Variants in LIFR observed in about 807,000 individuals in gnomAD.
LIFR encodes LIF receptor subunit alpha.
A neutral mutation model predicts 122.2 loss-of-function variants in LIFR; 84 were observed. The observed-to-expected ratio is 0.69, with a 90% CI of 0.58 to 0.82. The LOEUF (loss-of-function observed/expected upper bound fraction) is 0.82. LIFR is among the 40% of genes least tolerant of loss of function. The probability of loss-of-function intolerance (pLI) is 0.00; values close to 1 mark genes in which losing one functional copy is unlikely to be tolerated. For missense variants in LIFR, 1,294 were observed against 1,311.6 expected, an observed-to-expected ratio of 0.99 and a Z score of 0.21; for synonymous variants, 422 against 434.7, an observed-to-expected ratio of 0.97 and a Z score of 0.36.
intron 1 of LIFR, among the ~76,000 whole-genome samples, chr5:38,592,703 C>T (rs1002432612): frequency 5.9e-4 from 89 of 149,816 alleles, no homozygotes; most frequent in African/African-American, 2.1e-3. Context: ...CATATGTGCA[C>T]ATTTTTTCTA....
chr5:38,562,961 G>A (rs1748889024), intron 1 of LIFR, among the ~76,000 whole-genome samples: 1 of 152,068 alleles, frequency 6.6e-6, no homozygotes, highest in Admixed American at 6.5e-5. Context: ...ATATCCCCAG[G>A]GTTTTCTTCG....
chr5:38,517,382 G>GT (rs1746140096), intron 5 of LIFR, among the ~76,000 whole-genome samples: 1 of 152,116 alleles, frequency 6.6e-6, no homozygotes, highest in Non-Finnish European at 1.5e-5. Context: ...TCCTAAGCCT[G>GT]TAAGTGGTAA....
intron 1 of LIFR, among the ~76,000 whole-genome samples, chr5:38,563,559 C>T (rs1371873658): frequency 6.6e-6 from 1 of 152,128 alleles, no homozygotes; most frequent in African/African-American, 2.4e-5. Context: ...ATTCCAAAGT[C>T]ATCATAATTT....
In LIFR at chr5:38,499,569, G is replaced by A; in HGVS notation, c.1615C>T (p.Pro539Ser). Residue 539 changes from proline (P) to serine (S), a missense_variant, in exon 12 of 20, where the codon CCT (proline) becomes TCT (serine). Coordinates refer to ENST00000453190, the MANE Select transcript of LIFR (RefSeq NM_001127671.2). ...GAACTCCACTCTCTCCAAGTATCAG[G>A]CCCCTTTGAAGGACCTAAAAAGGAG... is the stretch of plus-strand genomic sequence containing the variant. Reference protein sequence around the residue: ...LTTEASPSKGPDTWREWSSDG... With the variant: ...LTTEASPSKGSDTWREWSSDG... 1 of 1,607,532 alleles carries A rather than the reference G, an allele frequency of 6.2e-7. No individual in the cohort carries two copies. The highest frequency in any genetic ancestry group is 8.5e-7 in the Non-Finnish European group (1 of 1,174,128).
In LIFR at chr5:38,523,483, T is replaced by C; in HGVS notation, c.497A>G (p.His166Arg). Residue 166 changes from histidine to arginine, a missense_variant, in exon 5 of 20, where the codon CAC becomes CGC. Transcript: ENST00000453190. The part of the protein sequence containing the change: ...KWNDRGSVFP[H>R]RSNVIWEIKV... ...AATTTCCCAGATAACATTTGAGCGG[T>C]GTGGAAAAACTGAACCCCTGTCGTT... The C allele has an allele frequency of 1.2e-6, 2 of 1,613,622 alleles. No homozygotes were observed. Among genetic ancestry groups the C allele is most frequent in the Non-Finnish European group, 1.7e-6 (2 of 1,179,750 alleles).
intron 1 of LIFR, among the ~76,000 whole-genome samples, chr5:38,531,267 G>C (rs565329539): frequency 6.6e-6 from 1 of 152,244 alleles, no homozygotes; most frequent in African/African-American, 2.4e-5. Context: ...TCTTCCTAGA[G>C]GGACACCACC....
intron 18 of LIFR, among the ~76,000 whole-genome samples, chr5:38,483,977 G>A (rs922612533): frequency 5.9e-5 from 9 of 152,056 alleles, no homozygotes; most frequent in Admixed American, 5.2e-4. Flanking sequence ...TCTCTCCCAC[G>A]GAGCTCCCGC....
chr5:38,527,111 A>T (rs753636965), intron 4 of LIFR, 44 bp downstream of exon 4: 2 of 1,526,000 alleles, frequency 1.3e-6, no homozygotes, highest in East Asian at 4.6e-5. Context: ...CTAACAAGTG[A>T]CACTTGACTT....
chr5:38,586,663 C>T (rs1263946871), intron 1 of LIFR, among the ~76,000 whole-genome samples: 1 of 152,120 alleles, frequency 6.6e-6, no homozygotes, highest in Non-Finnish European at 1.5e-5. Flanking sequence ...AAACTGGTAA[C>T]ATCTGATTGA....
At chr5:38,540,782 A>T (rs931707964) in intron 1 of LIFR, among the ~76,000 whole-genome samples, 1 of 152,050 alleles carries the variant, frequency 6.6e-6, no homozygotes, top group Non-Finnish European at 1.5e-5. Context: ...TTCCAATTAA[A>T]AAAAAAACAC....
In LIFR at chr5:38,499,102, T is replaced by C. The variant is rs1745040401; in HGVS notation, c.1671+411A>G. 2.6e-5 allele frequency among the ~76,000 whole-genome samples: 4 copies of C among 152,324 alleles called. No homozygotes were observed. In the South Asian group the frequency reaches 8.3e-4, roughly 32 times the overall value. On this transcript the variant is annotated intron_variant, in intron 12 of 19. Transcript: ENST00000453190. ...CTTTACAAAATCATACAAAACTTTATAACTGGCATGTTATAATGCAATTTA... is the reference window on the plus strand; with the variant it reads ...CTTTACAAAATCATACAAAACTTTACAACTGGCATGTTATAATGCAATTTA...
At chr5:38,532,842 T>C (rs546791338) in intron 1 of LIFR, among the ~76,000 whole-genome samples, 33 of 152,238 alleles carry the variant, frequency 2.2e-4, no homozygotes, top group Non-Finnish European at 3.8e-4. Flanking sequence ...TCACTCCTGA[T>C]AGAAACATTG....
chr5:38,561,575 T>G (rs937759516), upstream of LIFR, among the ~76,000 whole-genome samples: 36 of 152,370 alleles, frequency 2.4e-4, no homozygotes, highest in African/African-American at 8.2e-4. Flanking sequence ...AGAAGTTGTC[T>G]TATTGTAGAC....
chr5:38,572,360 T>G (rs1159727837), intron 1 of LIFR, among the ~76,000 whole-genome samples: 1 of 152,164 alleles, frequency 6.6e-6, no homozygotes, highest in Admixed American at 6.5e-5. Flanking sequence ...TTGCAAGAAC[T>G]CACTCACTGT....
Position 38,500,726 on chromosome 5 carries a change from C to T in LIFR, c.1601-1143G>A, listed in dbSNP as rs4146505. ...ATAAGATGTTTCCTCTTGGAGACAA[C>T]AGCTCATTAACTGAAGGCAAAAACT... On this transcript the variant is annotated intron_variant, in intron 11 of 19. Transcript: ENST00000453190. Among the ~76,000 whole-genome samples the T allele has an allele frequency of 0.018, 2,777 of 152,252 alleles. 199 individuals are homozygous for T. The East Asian group carries it at 0.25, about 14-fold the overall frequency.
chr5:38,539,402 C>T (rs1747465697), intron 1 of LIFR, among the ~76,000 whole-genome samples: 1 of 152,132 alleles, frequency 6.6e-6, no homozygotes, highest in Non-Finnish European at 1.5e-5. Context: ...CTCTTTTCCA[C>T]TATAAGCTAA....
intron 1 of LIFR, among the ~76,000 whole-genome samples, chr5:38,581,506 A>G (rs1318415364): frequency 9.2e-5 from 14 of 152,116 alleles, no homozygotes; most frequent in Admixed American, 9.2e-4. Flanking sequence ...CGCTGCTGTA[A>G]CCAGCATCCC....
At chr5:38,580,687 T>C (rs959170789) in intron 1 of LIFR, among the ~76,000 whole-genome samples, 1 of 152,170 alleles carries the variant, frequency 6.6e-6, no homozygotes, top group African/African-American at 2.4e-5. Flanking sequence ...AAACTCGTCA[T>C]TTTCCTTTCC....
At chr5:38,500,541 C>T (rs1425725158) in intron 11 of LIFR, among the ~76,000 whole-genome samples, 3 of 152,108 alleles carry the variant, frequency 2.0e-5, no homozygotes, top group Non-Finnish European at 4.4e-5. Context: ...GTGTTAAGTA[C>T]TTAAGTGTGG....
Sources: allele counts gnomAD v4.1 joint callset (sites outside exome capture counted in the v4.1 genomes callset), GRCh38; gene constraint gnomAD v4.1.1; transcripts MANE v1.5; gene names NCBI Gene and HGNC (gene_info 2026-07-23, HGNC 2026-07-21).